FNBP1: variants seen among roughly 807,000 people sequenced by gnomAD.
FNBP1 encodes formin binding protein 1.
A neutral mutation model predicts 90.6 loss-of-function variants in FNBP1; 26 were observed. That is an observed-to-expected ratio of 0.29 (90% CI 0.21 to 0.40). The LOEUF (loss-of-function observed/expected upper bound fraction) is 0.40. FNBP1 is among the 10% of genes least tolerant of loss of function. The pLI is 1.00. For synonymous variants in FNBP1, 260 were observed against 265.2 expected (o/e 0.98, Z 0.19); for missense variants, 635 against 768.0 (o/e 0.83, Z 2.05).
At chr9:130,017,480 T>C (rs953062490) in intron 1 of FNBP1, among the ~76,000 whole-genome samples, 1 of 152,182 alleles carries the variant, frequency 6.6e-6, no homozygotes, top group Non-Finnish European at 1.5e-5. Context: ...CTATTTCTGT[T>C]ACAAATTTCT....
At chr9:129,944,539 C>CA (rs34283195) in intron 6 of FNBP1, among the ~76,000 whole-genome samples, 1,831 of 114,444 alleles carry the variant, frequency 0.016, 19 homozygotes, top group Non-Finnish European at 0.022. Flanking sequence ...GACTGCGTCT[C>CA]AAAAAAAAAA....
At chr9:129,920,617 C>T (rs2131810907) in intron 10 of FNBP1, among the ~76,000 whole-genome samples, 1 of 152,222 alleles carries the variant, frequency 6.6e-6, no homozygotes, top group Admixed American at 6.5e-5. Context: ...TTCTAACCAT[C>T]CTTTTCTTAC....
intron 2 of FNBP1, among the ~76,000 whole-genome samples, chr9:129,985,689 T>C (rs1353987086): frequency 2.6e-5 from 4 of 151,986 alleles, no homozygotes; most frequent in Non-Finnish European, 4.4e-5. Context: ...GGGCCAGGTG[T>C]GGTGGCTCAT....
At chr9:130,013,652 T>C (rs1359862194) in intron 1 of FNBP1, 3 of 454,676 alleles carry the variant, frequency 6.6e-6, no homozygotes, top group Non-Finnish European at 8.8e-6. Flanking sequence ...TGAATGTTTA[T>C]AGCAGCATAA....
Position 129,965,798 on chromosome 9 carries a change from GGGGAAGGAGGGAGGGAGGGAGGA to G in FNBP1, c.346-7268_346-7246del, listed in dbSNP as rs1433113786. Among the ~76,000 whole-genome samples, 547 of 122,674 alleles carry G rather than the reference GGGGAAGGAGGGAGGGAGGGAGGA, an allele frequency of 4.5e-3. 4 individuals carry two copies. Among genetic ancestry groups the G allele is most frequent in the Middle Eastern group, 0.018 (5 of 272 alleles). The allele number at this position is 122,674 out of a possible 152,430, so 80.5% of individuals were successfully genotyped here. ...GAAGGGAGGGAAGGAGGGAGGGAGG[GGGGAAGGAGGGAGGGAGGGAGGA>G]AGGAAGGAAGGAAGGAAGGAAGGAA... is the stretch of plus-strand genomic sequence containing the variant. On this transcript the variant is annotated intron_variant, in intron 4 of 16. Coordinates refer to ENST00000446176, the MANE Select transcript of FNBP1 (RefSeq NM_015033.3).
intron 6 of FNBP1, among the ~76,000 whole-genome samples, chr9:129,951,236 C>T (rs535621928): frequency 1.4e-3 from 206 of 151,904 alleles, no homozygotes; most frequent in African/African-American, 4.7e-3. Flanking sequence ...GCATCACATG[C>T]GTGAGCCACC....
At chr9:130,030,211 G>C (rs1470216727) in intron 1 of FNBP1, among the ~76,000 whole-genome samples, 1 of 152,108 alleles carries the variant, frequency 6.6e-6, no homozygotes, top group Non-Finnish European at 1.5e-5. Flanking sequence ...AAGGTGGGTG[G>C]ATCACTTGAG....
intron 6 of FNBP1, among the ~76,000 whole-genome samples, chr9:129,941,814 T>C (rs2044368646): frequency 6.6e-6 from 1 of 152,156 alleles, no homozygotes; most frequent in Non-Finnish European, 1.5e-5. Flanking sequence ...CTCACGCCTG[T>C]AATCCCAACA....
chr9:130,015,079 C>T (rs193078088), intron 1 of FNBP1, among the ~76,000 whole-genome samples: 1 of 151,944 alleles, frequency 6.6e-6, no homozygotes, highest in African/African-American at 2.4e-5. Context: ...ATAAAATGTT[C>T]TTAAAAGAGA....
chr9:129,889,273 G>T lies in FNBP1; in HGVS notation c.*1266C>A, dbSNP rs997125363. 2 of 190,946 alleles carry T rather than the reference G, an allele frequency of 1.0e-5. No homozygotes were observed. Among genetic ancestry groups the T allele is most frequent in the African/African-American group, 4.7e-5 (2 of 42,870 alleles). 11.8% of individuals were successfully genotyped at this position (190,946 alleles called of 1,614,324 possible). On this transcript the variant is annotated 3_prime_UTR_variant, in exon 17 of 17. Coordinates refer to ENST00000446176, the MANE Select transcript of FNBP1 (RefSeq NM_015033.3). ...CGAGAGGCACGGGGTCTTTGGTGAT[G>T]AAAGTGCTAACCTCGGCGGGGTGCG... is the stretch of plus-strand genomic sequence containing the variant.
At chr9:129,923,716 T>G (rs1181358846) in intron 10 of FNBP1, 128 bp downstream of exon 10, 8 of 1,102,816 alleles carry the variant, frequency 7.3e-6, no homozygotes, top group East Asian at 3.2e-5. Context: ...TTTTTGTTTT[T>G]TTTTTTTTAA....
At chr9:129,904,895 T>C (rs2037686478) in intron 12 of FNBP1, among the ~76,000 whole-genome samples, 1 of 152,190 alleles carries the variant, frequency 6.6e-6, no homozygotes, top group Admixed American at 6.5e-5. Flanking sequence ...AGATGCTCAA[T>C]GAATATTTGT....
intron 6 of FNBP1, among the ~76,000 whole-genome samples, chr9:129,953,154 C>A (rs969203076): frequency 6.6e-6 from 1 of 152,192 alleles, no homozygotes; most frequent in African/African-American, 2.4e-5. Flanking sequence ...AGAGAAGACT[C>A]AAACTCATAC....
chr9:129,904,316 A>G (rs2037557453), intron 12 of FNBP1, among the ~76,000 whole-genome samples: 2 of 152,344 alleles, frequency 1.3e-5, no homozygotes, highest in African/African-American at 2.4e-5. Flanking sequence ...GAAGCAGCCC[A>G]TGGTAGCCCG....
intron 4 of FNBP1, among the ~76,000 whole-genome samples, chr9:129,961,954 G>A (rs962569556): frequency 1.3e-5 from 2 of 152,122 alleles, no homozygotes; most frequent in African/African-American, 2.4e-5. Flanking sequence ...AAATTTCCCA[G>A]GTGCATTCTC....
At chr9:130,048,970 C>T in the FNBP1 span, among the ~76,000 whole-genome samples, 8 of 150,524 alleles carry the variant, frequency 5.3e-5, no homozygotes, top group South Asian at 8.5e-4. Flanking sequence ...TTAGTAGAGA[C>T]GGGGTTTCAC....
chr9:129,910,422 T>C (rs1588466480), intron 11 of FNBP1, among the ~76,000 whole-genome samples: 1 of 135,278 alleles, frequency 7.4e-6, no homozygotes, highest in African/African-American at 2.8e-5. Context: ...GCGGAGGTTG[T>C]AGTGAGCCGA....
intron 6 of FNBP1, among the ~76,000 whole-genome samples, chr9:129,945,201 G>A (rs947427433): frequency 6.6e-6 from 1 of 152,084 alleles, no homozygotes; most frequent in Non-Finnish European, 1.5e-5. Context: ...TTTGAACCTT[G>A]ATCCACTTAT....
chr9:130,009,858 A>G (rs2131636488), intron 1 of FNBP1, among the ~76,000 whole-genome samples: 1 of 152,160 alleles, frequency 6.6e-6, no homozygotes, highest in African/African-American at 2.4e-5. Context: ...CTGCACCTGT[A>G]ATCCCAGCTA....
Sources: allele counts gnomAD v4.1 joint callset (sites outside exome capture counted in the v4.1 genomes callset), GRCh38; gene constraint gnomAD v4.1.1; transcripts MANE v1.5; gene names NCBI Gene and HGNC (gene_info 2026-07-23, HGNC 2026-07-21).